AGMO: variants seen among roughly 807,000 people sequenced by gnomAD.
AGMO encodes the protein glyceryl-ether monooxygenase.
In AGMO, 75 loss-of-function variants were observed where a neutral mutation model predicts 60.2. The ratio of observed to expected loss-of-function variants is 1.25; its 90% CI spans 1.03 to 1.51. The LOEUF (loss-of-function observed/expected upper bound fraction) is 1.51, where lower values mean the gene tolerates loss of function less well. Ranked by LOEUF, AGMO falls within the 40% of genes most tolerant of loss-of-function variation. The pLI is 0.00. For synonymous variants in AGMO, 261 were observed against 177.1 expected (o/e 1.47, Z -3.76); for missense variants, 763 against 525.5 (o/e 1.45, Z -4.42).
chr7:15,393,436 C>T (rs1161328677), intron 6 of AGMO, among the ~76,000 whole-genome samples: 1 of 152,222 alleles, frequency 6.6e-6, no homozygotes, highest in East Asian at 1.9e-4. Flanking sequence ...TTATATCCTT[C>T]TCCATTACAT....
At chr7:15,296,082 T>C (rs542854735) in intron 12 of AGMO, among the ~76,000 whole-genome samples, 1 of 152,288 alleles carries the variant, frequency 6.6e-6, no homozygotes, top group East Asian at 1.9e-4. Context: ...AAATAAAATA[T>C]GTAGAAATAA....
At chr7:15,196,026 T>A (rs1456755433), downstream of AGMO, among the ~76,000 whole-genome samples, 1 of 151,644 alleles carries the variant, frequency 6.6e-6, no homozygotes, top group East Asian at 2.0e-4. Flanking sequence ...TTTTCTTTTC[T>A]TTCCCCCTCC....
chr7:15,379,310 AG>A (rs1252139962), intron 10 of AGMO, among the ~76,000 whole-genome samples: 5 of 152,130 alleles, frequency 3.3e-5, no homozygotes, highest in Non-Finnish European at 7.4e-5. Context: ...ACCATTGGAA[AG>A]ATCAACAAAT....
At chr7:15,207,664 G>C (rs1781473413) in intron 12 of AGMO, among the ~76,000 whole-genome samples, 1 of 152,256 alleles carries the variant, frequency 6.6e-6, no homozygotes, top group South Asian at 2.1e-4. Flanking sequence ...GCCGGGCGTG[G>C]TGGCTCACGC....
At chr7:15,274,863 T>G (rs1430031066) in intron 12 of AGMO, among the ~76,000 whole-genome samples, 1 of 151,990 alleles carries the variant, frequency 6.6e-6, no homozygotes, top group Non-Finnish European at 1.5e-5. Context: ...TAATAGTCTC[T>G]AATCATTTTT....
At chr7:15,427,900 G>T (rs1781114195) in intron 4 of AGMO, among the ~76,000 whole-genome samples, 1 of 147,608 alleles carries the variant, frequency 6.8e-6, no homozygotes, top group African/African-American at 2.5e-5. Context: ...AATATGGTTA[G>T]AAATTCTAGA....
chr7:15,484,616 G>A (rs1008711489), intron 3 of AGMO, among the ~76,000 whole-genome samples: 3 of 152,064 alleles, frequency 2.0e-5, no homozygotes, highest in Non-Finnish European at 4.4e-5. Context: ...TAGGTATTCC[G>A]CTCTTGAAAT....
At chr7:15,145,869 A>G in the AGMO span, among the ~76,000 whole-genome samples, 1 of 152,178 alleles carries the variant, frequency 6.6e-6, no homozygotes, top group East Asian at 1.9e-4. Context: ...CTCTAATTTC[A>G]TCTTCAAATG....
At chr7:15,536,400 A>G (rs540026738) in intron 3 of AGMO, among the ~76,000 whole-genome samples, 1 of 152,088 alleles carries the variant, frequency 6.6e-6, no homozygotes, top group South Asian at 2.1e-4. Flanking sequence ...TACCAGCATC[A>G]TCATTTCAGA....
the AGMO span, among the ~76,000 whole-genome samples, chr7:15,186,963 G>A: frequency 1.3e-5 from 2 of 152,124 alleles, no homozygotes; most frequent in South Asian, 2.1e-4. Flanking sequence ...ATTTCCTTTC[G>A]GGCCTTTCAA....
At chr7:15,442,635 G>A (rs1198406845) in intron 3 of AGMO, among the ~76,000 whole-genome samples, 2 of 152,050 alleles carry the variant, frequency 1.3e-5, no homozygotes, top group Non-Finnish European at 2.9e-5. Context: ...AGGAGGGCAG[G>A]GAAGTGCTGG....
chr7:15,235,881 T>C (rs1326840161), intron 12 of AGMO, among the ~76,000 whole-genome samples: 3 of 152,182 alleles, frequency 2.0e-5, no homozygotes, highest in African/African-American at 7.2e-5. Context: ...TTGCATCATT[T>C]TCTTTTTAAG....
Position 15,431,077 on chromosome 7 carries a change from T to C in AGMO, c.441A>G (p.Thr147=), listed in dbSNP as rs879177438. The C allele has an allele frequency of 6.2e-7, 1 of 1,611,656 alleles. No individual in the cohort carries two copies. The change falls in exon 4 of 13, where the codon ACA becomes ACG. Residue 147 remains threonine (T), a synonymous_variant. Transcript: ENST00000342526. ...EVNIMWAGHQ[T]HHSSEDYNLS... is the part of the protein sequence containing the mutation. The stretch of plus-strand genomic sequence containing the variant: ...AGTTATAGTCTTCAGAACTATGATG[T>C]GTTTGGTGTCCGGCCCACATAATAT...
chr7:15,208,386 A>C, intron 12 of AGMO, among the ~76,000 whole-genome samples: 1 of 152,172 alleles, frequency 6.6e-6, no homozygotes, highest in East Asian at 1.9e-4. Flanking sequence ...TCCACCAATA[A>C]TCTTCCTCTG....
chr7:15,164,810 C>T, the AGMO span, among the ~76,000 whole-genome samples: 1 of 152,072 alleles, frequency 6.6e-6, no homozygotes, highest in Non-Finnish European at 1.5e-5. Flanking sequence ...ATGTAAAGTA[C>T]AACCTCTATG....
intron 3 of AGMO, among the ~76,000 whole-genome samples, chr7:15,487,079 C>A (rs570230418): frequency 6.6e-6 from 1 of 152,172 alleles, no homozygotes; most frequent in Non-Finnish European, 1.5e-5. Context: ...CATTAAATTA[C>A]TTATTTTAAA....
chr7:15,380,191 G>A (rs1191922193), intron 10 of AGMO, among the ~76,000 whole-genome samples: 1 of 151,826 alleles, frequency 6.6e-6, no homozygotes, highest in African/African-American at 2.4e-5. Flanking sequence ...AGAAACAAAG[G>A]GCAACAATAA....
chr7:15,368,580 C>A (rs1385716719), intron 10 of AGMO, among the ~76,000 whole-genome samples: 7 of 152,056 alleles, frequency 4.6e-5, no homozygotes, highest in Admixed American at 4.6e-4. Flanking sequence ...ACGCGTTTGG[C>A]AAGGACTGTA....
chr7:15,235,988 T>C (rs1253284467), intron 12 of AGMO, among the ~76,000 whole-genome samples: 1 of 152,108 alleles, frequency 6.6e-6, no homozygotes, highest in Non-Finnish European at 1.5e-5. Context: ...AAAAACATTA[T>C]TATTAGTGGA....
Sources: gnomAD v4.1 joint callset for allele counts (sites outside exome capture counted in the v4.1 genomes callset) on GRCh38, gnomAD v4.1.1 for gene constraint, MANE v1.5 for transcripts, NCBI Gene and HGNC (gene_info 2026-07-23, HGNC 2026-07-21) for gene names.